Variants in SH3YL1 observed in about 807,000 individuals in gnomAD.
SH3YL1 encodes SH3 and SYLF domain containing 1.
Under a neutral mutation model 45.8 loss-of-function variants are expected in SH3YL1, and 41 were observed. That is an observed-to-expected ratio of 0.89 (90% CI 0.70 to 1.16). The LOEUF (loss-of-function observed/expected upper bound fraction) is 1.16. Among genes scored for constraint, SH3YL1 ranks in the 50% most tolerant of loss-of-function variants. The pLI, the probability that SH3YL1 is intolerant of heterozygous loss-of-function variation, is 0.00. For missense variants in SH3YL1, 389 were observed against 409.6 expected, an observed-to-expected ratio of 0.95 and a Z score of 0.43; for synonymous variants, 152 against 151.4, an observed-to-expected ratio of 1.00 and a Z score of -0.03.
chr2:223,908 G>T (rs887781739), intron 9 of SH3YL1, among the ~76,000 whole-genome samples: 1 of 152,140 alleles, frequency 6.6e-6, no homozygotes, highest in Admixed American at 6.5e-5. Context: ...AGGCCAGGGT[G>T]AAAAGAAAGG....
chr2:263,633 G>A (rs1221853179), intron 1 of SH3YL1: 3 of 260,680 alleles, frequency 1.2e-5, no homozygotes, highest in Non-Finnish European at 2.2e-5. Context: ...CCAAGCGCGC[G>A]CATTCGACCC....
Position 236,494 on chromosome 2 carries a change from C to T in SH3YL1, c.292-2222G>A, listed in dbSNP as rs144952561. Among the ~76,000 whole-genome samples, 480 of 152,180 alleles carry T rather than the reference C, an allele frequency of 3.2e-3. 2 individuals are homozygous for T. Among genetic ancestry groups the T allele is most frequent in the African/African-American group, 0.011 (470 of 41,488 alleles). ...GCTGGCATGGGGCTAAGAATTTGGG[C>T]TCAAAATTAAAAATAGTTAGGTGGG... On this transcript the variant is annotated intron_variant, in intron 4 of 9. Transcript: ENST00000356150.
At chr2:219,599 G>A (rs758093687) in intron 9 of SH3YL1, among the ~76,000 whole-genome samples, 3 of 152,138 alleles carry the variant, frequency 2.0e-5, no homozygotes, top group Non-Finnish European at 4.4e-5. Flanking sequence ...TCTATGAGCT[G>A]CCCAGACTAT....
chr2:252,197 C>T (rs4241316), intron 2 of SH3YL1, among the ~76,000 whole-genome samples: 138,880 of 152,314 alleles, frequency 0.91, 63,429 homozygotes, highest in African/African-American at 0.96. Context: ...AGAACTGTGC[C>T]TTTATGGTCT....
intron 1 of SH3YL1, among the ~76,000 whole-genome samples, chr2:255,465 G>A (rs1047371402): frequency 6.6e-6 from 1 of 152,078 alleles, no homozygotes; most frequent in African/African-American, 2.4e-5. Context: ...GCCAGTCATG[G>A]TCCTTGCTGA....
At chr2:245,986 A>G (rs1668784152) in intron 4 of SH3YL1, among the ~76,000 whole-genome samples, 1 of 152,202 alleles carries the variant, frequency 6.6e-6, no homozygotes, top group South Asian at 2.1e-4. Context: ...ACCTGAGGTC[A>G]GGAGTTTCAG....
upstream of SH3YL1, chr2:264,812 G>A: frequency 1.2e-6 from 1 of 859,016 alleles, no homozygotes; most frequent in Non-Finnish European, 1.7e-6. Flanking sequence ...AGGCGCACTG[G>A]AGCCGATTGC....
chr2:242,213 G>A (rs931592423), intron 4 of SH3YL1: 1 of 151,876 alleles, frequency 6.6e-6, no homozygotes, highest in Admixed American at 6.6e-5. Context: ...AACAAAAAAT[G>A]GGAAATAAAA....
At chr2:258,252 CAATTT>C (rs1669440867) in intron 1 of SH3YL1, among the ~76,000 whole-genome samples, 1 of 152,084 alleles carries the variant, frequency 6.6e-6, no homozygotes, top group South Asian at 2.1e-4. Flanking sequence ...GGCAGTATGG[CAATTT>C]TAATAATGTT....
intron 4 of SH3YL1, 138 bp from the exon 5 acceptor site, chr2:234,410 C>A: frequency 3.3e-6 from 2 of 610,922 alleles, no homozygotes; most frequent in Middle Eastern, 3.2e-4. Flanking sequence ...GAGACAAGAG[C>A]CATATTTTTA....
chr2:238,918 G>A (rs1668421763), intron 4 of SH3YL1, among the ~76,000 whole-genome samples: 1 of 152,132 alleles, frequency 6.6e-6, no homozygotes, highest in Admixed American at 6.5e-5. Flanking sequence ...CCAAGAACCA[G>A]GGAACTCTCC....
chr2:222,891 T>C (rs1348730388), intron 9 of SH3YL1: 2 of 152,244 alleles, frequency 1.3e-5, no homozygotes, highest in African/African-American at 4.8e-5. Flanking sequence ...AACTGTGACT[T>C]TTCTCTGCAG....
chr2:220,384 A>G (rs1667519740), intron 9 of SH3YL1, among the ~76,000 whole-genome samples: 1 of 152,076 alleles, frequency 6.6e-6, no homozygotes. Flanking sequence ...TACACTAGAG[A>G]TAATACTGGT....
Position 233,127 on chromosome 2 carries a change from C to G in SH3YL1, c.507G>C (p.Leu169Phe). Residue 169 changes from leucine (L) to phenylalanine (F), a missense_variant, in exon 6 of 10, where the codon TTG (leucine) becomes TTC (phenylalanine). By Grantham distance (22) the Leu-to-Phe change is conservative. Coordinates refer to ENST00000356150, the MANE Select transcript of SH3YL1 (RefSeq NM_015677.4). ...TTCTATTAGTTTCTTTCCTTTCAATCAAACAGCTCCCTTCTAAAGACACGC... is the reference window on the plus strand; with the variant it reads ...TTCTATTAGTTTCTTTCCTTTCAATGAAACAGCTCCCTTCTAAAGACACGC... ...FAGVSLEGSC[L>F]IERKETNRKF... The G allele has an allele frequency of 6.3e-7, 1 of 1,587,270 alleles. No individual in the cohort carries two copies. The highest frequency in any genetic ancestry group is 8.6e-7 in the Non-Finnish European group (1 of 1,165,176).
At position 231,047 on chromosome 2, in the gene SH3YL1, T is replaced by C; in HGVS notation, c.678A>G (p.Ala226=). 6.2e-7 allele frequency: 1 copy of C among 1,614,192 alleles called. No individual in the cohort carries two copies. The highest frequency in any genetic ancestry group is 8.5e-7 in the Non-Finnish European group (1 of 1,180,020). ...CAGAAGACTTCCTCTGCTCCCTTGC[T>C]GCTTTTCTTGCATTGATTCGTTGTC... The part of the protein sequence containing the change: ...NEGQRINARK[A]AREQRKSSAK... The change falls in exon 7 of 10, where the codon GCA becomes GCG. Residue 226 remains alanine, a synonymous_variant. Coordinates refer to ENST00000356150, the MANE Select transcript of SH3YL1 (RefSeq NM_015677.4).
chr2:263,616 G>T (rs1669701091), intron 1 of SH3YL1: 1 of 221,030 alleles, frequency 4.5e-6, no homozygotes, highest in Non-Finnish European at 8.9e-6. Flanking sequence ...CGGGTTCCAC[G>T]CACATTCCAA....
chr2:246,049 G>T (rs761730435), intron 4 of SH3YL1, among the ~76,000 whole-genome samples: 2 of 151,814 alleles, frequency 1.3e-5, no homozygotes, highest in Non-Finnish European at 2.9e-5. Flanking sequence ...TACAAAATTA[G>T]CTGGGTGTGG....
intron 4 of SH3YL1, among the ~76,000 whole-genome samples, chr2:235,400 C>T (rs1486556247): frequency 7.3e-6 from 1 of 137,362 alleles, no homozygotes; most frequent in Admixed American, 7.2e-5. Flanking sequence ...GGGGAGGCAG[C>T]ATGGGCCAGG....
At chr2:257,531 C>A (rs773626446) in intron 1 of SH3YL1, among the ~76,000 whole-genome samples, 2 of 152,216 alleles carry the variant, frequency 1.3e-5, no homozygotes, top group Admixed American at 1.3e-4. Context: ...CCAATCCCAG[C>A]AGCCATACTT....
Sources: allele counts gnomAD v4.1 joint callset (sites outside exome capture counted in the v4.1 genomes callset), GRCh38; gene constraint gnomAD v4.1.1; transcripts MANE v1.5; gene names NCBI Gene and HGNC (gene_info 2026-07-23, HGNC 2026-07-21).